NFIC: variants seen among roughly 807,000 people sequenced by gnomAD.
The protein encoded by NFIC is nuclear factor 1 C-type.
In NFIC, 12 loss-of-function variants were observed where a neutral mutation model predicts 54.4. The ratio of observed to expected loss-of-function variants is 0.22; its 90% CI spans 0.14 to 0.36. NFIC has a LOEUF of 0.36. Among genes scored for constraint, NFIC ranks in the 10% least tolerant of loss-of-function variants. The pLI is 1.00. For synonymous variants in NFIC, 322 were observed against 319.2 expected (o/e 1.01, Z -0.09); for missense variants, 575 against 718.2 (o/e 0.80, Z 2.28).
chr19:3,445,912 C>G (rs2082367317), intron 6 of NFIC, among the ~76,000 whole-genome samples: 1 of 152,168 alleles, frequency 6.6e-6, no homozygotes, highest in Non-Finnish European at 1.5e-5. Flanking sequence ...CACCCGGGGA[C>G]AGCAGGTCAC....
intron 6 of NFIC, among the ~76,000 whole-genome samples, chr19:3,439,704 T>C (rs2082262187): frequency 6.7e-6 from 1 of 150,284 alleles, no homozygotes; most frequent in Admixed American, 6.6e-5. Flanking sequence ...TTTTTTTTTT[T>C]TTTTGTCAGA....
At position 3,462,943 on chromosome 19, in the gene NFIC, A is replaced by C. The variant is rs971908695; in HGVS notation, c.*174A>C. ...ATAGACGCACACACTCAGGAGGAAAAGAAAAAACAAAGGCAGAAGAAGAAG... is the reference window on the plus strand; with the variant it reads ...ATAGACGCACACACTCAGGAGGAAACGAAAAAACAAAGGCAGAAGAAGAAG... On this transcript the variant is annotated 3_prime_UTR_variant, in exon 11 of 11. Coordinates refer to ENST00000443272, the MANE Select transcript of NFIC (RefSeq NM_001245002.2). 1 of 1,451,506 alleles carries C rather than the reference A, an allele frequency of 6.9e-7. No individual in the cohort carries two copies. Among genetic ancestry groups the C allele is most frequent in the East Asian group, 2.5e-5 (1 of 39,662 alleles). The allele number at this position is 1,451,506 out of a possible 1,614,324, so 89.9% of individuals were successfully genotyped here.
Position 3,370,247 on chromosome 19 carries a change from G to A in NFIC, c.30+3581G>A, listed in dbSNP as rs115934804. On this transcript the variant is annotated intron_variant, in intron 1 of 10. Transcript: ENST00000443272. This position sits in a 1 kb window ranked among gnomAD's most constrained non-coding sequence, Gnocchi z 5.2. ...GGGTTCAGGCCATTTTCCATCTGGC[G>A]GCTTGGGCAGGTGGGCGCTCTCTCC... Among the ~76,000 whole-genome samples the A allele has an allele frequency of 9.2e-3, 1,398 of 152,214 alleles. 22 individuals are homozygous for A. The highest frequency in any genetic ancestry group is 0.032 in the African/African-American group (1,342 of 41,526).
upstream of NFIC, among the ~76,000 whole-genome samples, chr19:3,365,480 C>T (rs937193233): frequency 3.3e-5 from 5 of 152,090 alleles, no homozygotes; most frequent in Middle Eastern, 3.2e-3. Context: ...GGGAGTGAAC[C>T]GGGGGAGGGT....
chr19:3,394,340 C>T (rs1052549621), intron 2 of NFIC, among the ~76,000 whole-genome samples: 1 of 151,662 alleles, frequency 6.6e-6, no homozygotes, highest in African/African-American at 2.4e-5. Context: ...ATTAGCCAGG[C>T]GTGGTGGCGT....
In NFIC at chr19:3,366,601, G is replaced by T; in HGVS notation, c.-36G>T. The T allele has an allele frequency of 7.0e-7, 1 of 1,420,308 alleles. No individual in the cohort carries two copies. Among genetic ancestry groups the T allele is most frequent in the South Asian group, 1.3e-5 (1 of 74,738 alleles). The allele number at this position is 1,420,308 out of a possible 1,614,324, so 88.0% of individuals were successfully genotyped here. Reference sequence around the variant, plus strand: ...ATGACTCAGTAAGTTCAGCGCGCCCGCTCCGGCCGGCCCTGCGCCTCCCGC... The same window carrying T: ...ATGACTCAGTAAGTTCAGCGCGCCCTCTCCGGCCGGCCCTGCGCCTCCCGC... On this transcript the variant is annotated 5_prime_UTR_variant, in exon 1 of 11. Coordinates refer to ENST00000443272, the MANE Select transcript of NFIC (RefSeq NM_001245002.2).
intron 1 of NFIC, chr19:3,359,822 A>C (rs2145407034): frequency 3.2e-6 from 3 of 924,960 alleles, no homozygotes; most frequent in African/African-American, 1.8e-5. Flanking sequence ...GGGGACCCCC[A>C]CTCGCCAGTC....
At chr19:3,462,711 T>C (rs2082659177) in intron 10 of NFIC, 41 bp from the exon 11 acceptor site, 2 of 1,605,366 alleles carry the variant, frequency 1.2e-6, no homozygotes, top group Admixed American at 1.7e-5. Context: ...CTTCTCTCCC[T>C]TTTTCTCTCT....
chr19:3,376,698 C>T (rs1249581817), intron 1 of NFIC, among the ~76,000 whole-genome samples: 1 of 152,112 alleles, frequency 6.6e-6, no homozygotes, highest in Non-Finnish European at 1.5e-5. Flanking sequence ...CGTGCCACTG[C>T]ACTCCAGTGA....
chr19:3,412,526 G>A (rs1177530531), intron 2 of NFIC, among the ~76,000 whole-genome samples: 1 of 152,106 alleles, frequency 6.6e-6, no homozygotes, highest in Non-Finnish European at 1.5e-5. Flanking sequence ...CAAAATGCAG[G>A]GATTACAGGT....
intron 2 of NFIC, among the ~76,000 whole-genome samples, chr19:3,394,456 G>A (rs1169143529): frequency 6.7e-6 from 1 of 148,752 alleles, no homozygotes; most frequent in Non-Finnish European, 1.5e-5. Flanking sequence ...TTCCAGCCTG[G>A]GTGACAGAGC....
At chr19:3,438,705 G>A (rs992086628) in intron 6 of NFIC, among the ~76,000 whole-genome samples, 1 of 151,934 alleles carries the variant, frequency 6.6e-6, no homozygotes, top group East Asian at 1.9e-4. Context: ...CCAAAGTGCT[G>A]GGATTACAGG....
chr19:3,380,812 G>T (rs1393506137), intron 1 of NFIC, among the ~76,000 whole-genome samples: 10 of 151,348 alleles, frequency 6.6e-5, no homozygotes, highest in South Asian at 4.2e-4. Flanking sequence ...TTGTTTTTTT[G>T]ATTTTGTTTG....
chr19:3,450,926 T>C (rs1179607670), intron 7 of NFIC, among the ~76,000 whole-genome samples: 1 of 152,242 alleles, frequency 6.6e-6, no homozygotes, highest in East Asian at 1.9e-4. Context: ...TCTTTGTATA[T>C]GTCCTGTGGC....
At chr19:3,410,718 T>C (rs1568430309) in intron 2 of NFIC, 1 of 152,300 alleles carries the variant, frequency 6.6e-6, no homozygotes, top group Non-Finnish European at 1.5e-5. Context: ...AAACAGACTT[T>C]ATCACAGAAC....
In NFIC at chr19:3,452,532, T is replaced by C. The variant is rs1276247247; in HGVS notation, c.1135T>C (p.Ser379Pro). The C allele has an allele frequency of 6.2e-7, 1 of 1,613,416 alleles. No homozygotes were observed. The highest frequency in any genetic ancestry group is 1.7e-5 in the Admixed American group (1 of 59,976). ...CTCCGCTCTGCATTTCCCTACGACG[T>C]CCATCCTACCCCAGACGGCCTCCAC... is the stretch of plus-strand genomic sequence containing the variant. ...PSSALHFPTT[S>P]ILPQTASTYF... Residue 379 changes from serine to proline, a missense_variant, in exon 8 of 11, where the codon TCC becomes CCC. By Grantham distance (74) the Ser-to-Pro change is moderately conservative (BLOSUM62 -1). Around this residue, in one of 3 missense-constraint regions of NFIC, gnomAD observed 447 missense variants for 526.9 expected, o/e 0.85. Coordinates refer to ENST00000443272, the MANE Select transcript of NFIC (RefSeq NM_001245002.2). The surrounding 1 kb of genome is among the most constrained non-coding windows in gnomAD (Gnocchi z 5.3).
chr19:3,454,968 C>T (rs1180372252), intron 9 of NFIC, among the ~76,000 whole-genome samples: 1 of 152,240 alleles, frequency 6.6e-6, no homozygotes, highest in Non-Finnish European at 1.5e-5. Context: ...CTCTGCAGCT[C>T]TCTCACTGTG....
At chr19:3,445,281 C>T (rs945847936) in intron 6 of NFIC, among the ~76,000 whole-genome samples, 4 of 152,232 alleles carry the variant, frequency 2.6e-5, no homozygotes, top group African/African-American at 7.2e-5. Flanking sequence ...GGCTCCAGGC[C>T]ACCCTCATTC....
At chr19:3,404,816 G>C (rs1056873652) in intron 2 of NFIC, among the ~76,000 whole-genome samples, 1 of 152,202 alleles carries the variant, frequency 6.6e-6, no homozygotes, top group South Asian at 2.1e-4. Context: ...CCGAGCAGGG[G>C]CCCTGCGGCC....
Sources: gnomAD v4.1 joint callset for allele counts (sites outside exome capture counted in the v4.1 genomes callset) on GRCh38, gnomAD v4.1.1 for gene constraint, gnomAD v4.1.1 regional missense constraint, Gnocchi (gnomAD v3.1) non-coding constraint, MANE v1.5 for transcripts, NCBI Gene and HGNC (gene_info 2026-07-23, HGNC 2026-07-21) for gene names.